CCSER1: variants seen among roughly 807,000 people sequenced by gnomAD.
CCSER1 encodes the protein coiled-coil serine rich protein 1.
Under a neutral mutation model 82.0 loss-of-function variants are expected in CCSER1, and 41 were observed. The ratio of observed to expected loss-of-function variants is 0.50; its 90% confidence interval spans 0.39 to 0.65. CCSER1 has a LOEUF of 0.65. CCSER1 is among the 30% of genes least tolerant of loss of function. The pLI is 0.00. For synonymous variants in CCSER1, 414 were observed against 383.9 expected, an observed-to-expected ratio of 1.08 and a Z score of -0.92; for missense variants, 1,119 against 1,064.2, an observed-to-expected ratio of 1.05 and a Z score of -0.72.
chr4:91,121,536 T>G (rs1727089057), intron 10 of CCSER1, among the ~76,000 whole-genome samples: 1 of 151,628 alleles, frequency 6.6e-6, no homozygotes, highest in African/African-American at 2.4e-5. Context: ...CCAATGTAAA[T>G]AAAGTGAAAA....
chr4:90,225,527 A>C (rs1743002358), intron 1 of CCSER1, among the ~76,000 whole-genome samples: 1 of 152,212 alleles, frequency 6.6e-6, no homozygotes, highest in African/African-American at 2.4e-5. Context: ...AGAGGTGGGC[A>C]TTATATTATC....
chr4:91,338,168 T>C (rs559385507), intron 10 of CCSER1, among the ~76,000 whole-genome samples: 1 of 152,288 alleles, frequency 6.6e-6, no homozygotes, highest in South Asian at 2.1e-4. Context: ...TCTTTCTCTC[T>C]GGCCTAGACA....
intron 8 of CCSER1, among the ~76,000 whole-genome samples, chr4:90,839,527 C>T (rs758366913): frequency 8.5e-5 from 13 of 152,182 alleles, no homozygotes; most frequent in Non-Finnish European, 1.6e-4. Flanking sequence ...CAAGACCCAA[C>T]AGTGGAACTA....
At chr4:90,263,219 C>A (rs530238990) in intron 1 of CCSER1, among the ~76,000 whole-genome samples, 1 of 152,348 alleles carries the variant, frequency 6.6e-6, no homozygotes, top group Admixed American at 6.5e-5. Flanking sequence ...CATTCTCCCT[C>A]TTCCCCTAGT....
intron 7 of CCSER1, among the ~76,000 whole-genome samples, chr4:90,812,998 C>A (rs1052953966): frequency 9.2e-5 from 14 of 152,138 alleles, no homozygotes; most frequent in African/African-American, 3.4e-4. Context: ...TGGCCCCTCC[C>A]AAATCTCACA....
intron 1 of CCSER1, among the ~76,000 whole-genome samples, chr4:90,270,415 A>G (rs1726049672): frequency 6.6e-6 from 1 of 152,126 alleles, no homozygotes; most frequent in Non-Finnish European, 1.5e-5. Context: ...ACACCATATG[A>G]TCATTTCAAT....
At chr4:91,379,238 T>A (rs531109985) in intron 10 of CCSER1, among the ~76,000 whole-genome samples, 19,576 of 152,012 alleles carry the variant, frequency 0.13, 1,427 homozygotes, top group Middle Eastern at 0.19. Context: ...TCTGTCAGGC[T>A]TTGGTATCAG....
Position 91,085,942 on chromosome 4 carries a change from T to G in CCSER1, c.2173-8T>G, listed in dbSNP as rs747702747. ...CCAATAATAATATACTTTGCTTTTC[T>G]TTTTCAGGGTTTAAACTTGAAAAGA... On this transcript the variant is annotated splice_polypyrimidine_tract_variant and splice_region_variant and intron_variant, in intron 9 of 10. Transcript: ENST00000509176. 6.7e-7 allele frequency: 1 copy of G among 1,492,172 alleles called. No homozygotes were observed. Among genetic ancestry groups the G allele is most frequent in the South Asian group, 1.2e-5 (1 of 82,270 alleles). 92.4% of individuals were successfully genotyped at this position (1,492,172 alleles called of 1,614,324 possible).
rs1468974010 is a variant in CCSER1, at chr4:91,297,808, A to G, written c.2217+211814A>G. ...AAATACCATGTATAAAGGAAAAACC[A>G]TTTTAAAGGAGAATTGGGGTACTTG... On this transcript the variant is annotated intron_variant, in intron 10 of 10. Coordinates refer to ENST00000509176, the MANE Select transcript of CCSER1 (RefSeq NM_001145065.2). Among the ~76,000 whole-genome samples, 3 of 152,118 alleles carry G rather than the reference A, an allele frequency of 2.0e-5. No homozygotes were observed. The East Asian group carries it at 5.8e-4, about 30-fold the overall frequency.
chr4:90,849,558 G>A (rs987277499), intron 8 of CCSER1, among the ~76,000 whole-genome samples: 2 of 152,088 alleles, frequency 1.3e-5, no homozygotes, highest in African/African-American at 4.8e-5. Context: ...GGGAGGCTGA[G>A]GTGGGTGGAT....
At chr4:91,594,734 A>G (rs1407682674) in intron 10 of CCSER1, among the ~76,000 whole-genome samples, 1 of 152,046 alleles carries the variant, frequency 6.6e-6, no homozygotes, top group African/African-American at 2.4e-5. Context: ...CATTTCATTC[A>G]GTGAGTGGAC....
chr4:90,826,486 TAAC>T (rs1271132086), intron 8 of CCSER1, among the ~76,000 whole-genome samples: 1 of 152,198 alleles, frequency 6.6e-6, no homozygotes, highest in Non-Finnish European at 1.5e-5. Context: ...ATAATTTTAA[TAAC>T]AACAGCCACT....
chr4:90,537,290 A>G (rs1236473751), intron 5 of CCSER1, among the ~76,000 whole-genome samples: 1 of 151,896 alleles, frequency 6.6e-6, no homozygotes, highest in Admixed American at 6.6e-5. Flanking sequence ...CATTTCCATT[A>G]CTTTCTCTCT....
intron 10 of CCSER1, among the ~76,000 whole-genome samples, chr4:91,415,473 C>T (rs1031485471): frequency 7.9e-5 from 12 of 152,102 alleles, no homozygotes; most frequent in African/African-American, 2.9e-4. Flanking sequence ...TAAGGGAGGG[C>T]ATCCTTGTCT....
At chr4:90,702,346 T>C (rs1738331993) in intron 6 of CCSER1, among the ~76,000 whole-genome samples, 1 of 152,144 alleles carries the variant, frequency 6.6e-6, no homozygotes, top group African/African-American at 2.4e-5. Context: ...TGGATAAGCT[T>C]TTTGATGTGC....
chr4:91,001,336 CT>C (rs1295392010), intron 9 of CCSER1, among the ~76,000 whole-genome samples: 2 of 152,060 alleles, frequency 1.3e-5, no homozygotes, highest in Non-Finnish European at 2.9e-5. Flanking sequence ...ATTTTTGCAT[CT>C]GTGTTCAATG....
chr4:91,050,592 C>G (rs769996541), intron 9 of CCSER1, among the ~76,000 whole-genome samples: 3 of 152,034 alleles, frequency 2.0e-5, no homozygotes, highest in Non-Finnish European at 2.9e-5. Context: ...ATTAAGATAA[C>G]AAAGGAACAA....
chr4:91,416,701 A>G lies in CCSER1; in HGVS notation c.2218-181871A>G, dbSNP rs147993238. On this transcript the variant is annotated intron_variant, in intron 10 of 10. Transcript: ENST00000509176. The stretch of plus-strand genomic sequence containing the variant: ...TTCCTTATATCTTATACAAAAATTA[A>G]CTCAAAATGGAGTAAAGACTTGACT... Among the ~76,000 whole-genome samples the G allele has an allele frequency of 1.9e-3, 284 of 152,306 alleles. 3 individuals carry two copies. Among genetic ancestry groups the G allele is most frequent in the African/African-American group, 6.1e-3 (252 of 41,562 alleles).
At chr4:90,910,525 A>G (rs1412572755) in intron 8 of CCSER1, among the ~76,000 whole-genome samples, 23 of 152,192 alleles carry the variant, frequency 1.5e-4, no homozygotes. Flanking sequence ...TAGGTGTTCA[A>G]TTCCATAAAT....
Sources: allele counts gnomAD v4.1 joint callset (sites outside exome capture counted in the v4.1 genomes callset), GRCh38; gene constraint gnomAD v4.1.1; transcripts MANE v1.5; gene names NCBI Gene and HGNC (gene_info 2026-07-23, HGNC 2026-07-21).